Variants in AVEN observed in about 807,000 individuals in gnomAD.
AVEN encodes the protein cell death regulator Aven.
In AVEN, 41 loss-of-function variants were observed where a neutral mutation model predicts 38.1. The ratio of observed to expected loss-of-function variants is 1.08; its 90% CI spans 0.84 to 1.40. The LOEUF is 1.40. AVEN is among the 40% of genes most tolerant of loss of function. The pLI is 0.00. For synonymous variants in AVEN, 206 were observed against 171.8 expected (o/e 1.20, Z -1.56); for missense variants, 605 against 438.8 (o/e 1.38, Z -3.38).
intron 11 of AVEN, chr15:33,861,209 C>G (rs1224894764): frequency 2.0e-6 from 3 of 1,500,588 alleles, no homozygotes; most frequent in Non-Finnish European, 2.7e-6. Flanking sequence ...AAAGTAATGG[C>G]AGCTGTAGCG....
At chr15:33,921,362 A>G (rs1039748313) in intron 2 of AVEN, among the ~76,000 whole-genome samples, 1 of 152,230 alleles carries the variant, frequency 6.6e-6, no homozygotes, top group African/African-American at 2.4e-5. Flanking sequence ...TTCCAAAAAG[A>G]GTCTGCTGCA....
intron 5 of AVEN, among the ~76,000 whole-genome samples, chr15:34,050,450 G>C (rs1426743193): frequency 6.6e-6 from 1 of 152,162 alleles, no homozygotes; most frequent in East Asian, 1.9e-4. Context: ...AAAAATGTCT[G>C]CAAAATAACC....
intron 2 of AVEN, among the ~76,000 whole-genome samples, chr15:33,936,939 G>A (rs1227859996): frequency 6.6e-6 from 1 of 151,552 alleles, no homozygotes; most frequent in Non-Finnish European, 1.5e-5. Flanking sequence ...AGACCATCCT[G>A]GCTAACACAG....
chr15:33,984,510 C>T (rs1387515214), intron 2 of AVEN, among the ~76,000 whole-genome samples: 3 of 151,876 alleles, frequency 2.0e-5, no homozygotes, highest in Non-Finnish European at 4.4e-5. Context: ...TCAAGCAATT[C>T]TCCTGCCTCA....
intron 2 of AVEN, among the ~76,000 whole-genome samples, chr15:33,898,884 G>C (rs926869914): frequency 6.6e-6 from 1 of 152,190 alleles, no homozygotes; most frequent in Admixed American, 6.5e-5. Context: ...TTCAAAAATA[G>C]TATTTGAAAT....
At chr15:33,983,034 A>G (rs1020078711) in intron 2 of AVEN, among the ~76,000 whole-genome samples, 6 of 151,906 alleles carry the variant, frequency 3.9e-5, no homozygotes, top group Non-Finnish European at 7.4e-5. Context: ...CAAGAAGCAC[A>G]ACATTAAGGC....
At position 33,868,244 on chromosome 15, in the gene AVEN, C is replaced by G. The variant is rs544150698; in HGVS notation, c.613-389G>C. On this transcript the variant is annotated intron_variant, in intron 4 of 5. Coordinates refer to ENST00000306730, the MANE Select transcript of AVEN (RefSeq NM_020371.3). Reference sequence around the variant, plus strand: ...TCTATAAAAAGTCACCAAGAAGTGGCCAGGCGCAGTGGCTCATGCCTGTAA... The same window carrying G: ...TCTATAAAAAGTCACCAAGAAGTGGGCAGGCGCAGTGGCTCATGCCTGTAA... Among the ~76,000 whole-genome samples the G allele has an allele frequency of 1.7e-4, 26 of 152,248 alleles. No homozygotes were observed. In the East Asian group the frequency reaches 5.0e-3, roughly 29 times the overall value.
intron 2 of AVEN, among the ~76,000 whole-genome samples, chr15:33,961,823 A>G (rs1895200238): frequency 2.0e-5 from 3 of 150,306 alleles, no homozygotes; most frequent in Admixed American, 6.6e-5. Context: ...AAAAAAAAAA[A>G]AAAAAAAAAA....
At position 33,867,785 on chromosome 15, in the gene AVEN, T is replaced by G. The variant is rs2241647; in HGVS notation, c.683A>C (p.Gln228Pro). ...RTDDGKGLGM[Q>P]LKGPLGPGGR... ...TCCAGGCCCCAAGGGCCCCTTTAACTGCATCCCTAATCCCTTGCCATCATC... is the reference window on the plus strand; with the variant it reads ...TCCAGGCCCCAAGGGCCCCTTTAACGGCATCCCTAATCCCTTGCCATCATC... Residue 228 changes from glutamine (Q) to proline (P), a missense_variant, in exon 5 of 6, where the codon CAG becomes CCG. Physicochemically the swap from Gln to Pro is moderately conservative, Grantham distance 76. Transcript: ENST00000306730. The G allele has an allele frequency of 6.2e-7, 1 of 1,614,008 alleles. No homozygotes were observed. The highest frequency in any genetic ancestry group is 8.5e-7 in the Non-Finnish European group (1 of 1,179,944).
At chr15:33,931,051 A>G (rs1041143052) in intron 2 of AVEN, among the ~76,000 whole-genome samples, 7 of 151,718 alleles carry the variant, frequency 4.6e-5, no homozygotes, top group African/African-American at 1.7e-4. Flanking sequence ...GGCAGATCCC[A>G]TATTTTTACA....
chr15:33,864,111 T>TAC (rs2153026368), downstream of AVEN: 1 of 1,580,146 alleles, frequency 6.3e-7, no homozygotes, highest in Non-Finnish European at 8.7e-7. Context: ...GACCAGAGTA[T>TAC]CTAATACTAT....
At chr15:33,974,124 AC>A (rs1481178535) in intron 2 of AVEN, among the ~76,000 whole-genome samples, 1 of 152,222 alleles carries the variant, frequency 6.6e-6, no homozygotes, top group Non-Finnish European at 1.5e-5. Flanking sequence ...TATGGAAATC[AC>A]GTTTGCTATA....
intron 2 of AVEN, among the ~76,000 whole-genome samples, chr15:33,950,977 C>A (rs1894717993): frequency 6.6e-6 from 1 of 151,378 alleles, no homozygotes; most frequent in African/African-American, 2.4e-5. Flanking sequence ...CACTGCACTG[C>A]AGCCTGGGCA....
At chr15:33,991,495 AAAAT>A (rs1426556139) in intron 2 of AVEN, 2 of 141,330 alleles carry the variant, frequency 1.4e-5, no homozygotes, top group Non-Finnish European at 3.0e-5. Flanking sequence ...CGGACCCACA[AAAAT>A]AAACTTTAAA....
chr15:34,026,157 T>A (rs1049060410), intron 1 of AVEN, among the ~76,000 whole-genome samples: 1 of 152,214 alleles, frequency 6.6e-6, no homozygotes, highest in Non-Finnish European at 1.5e-5. Flanking sequence ...AATGCATACA[T>A]ATACCTTATA....
intron 2 of AVEN, among the ~76,000 whole-genome samples, chr15:33,983,158 GTA>G (rs775545239): frequency 0.031 from 4,291 of 136,306 alleles, 127 homozygotes; most frequent in Non-Finnish European, 0.043. Context: ...GTGTGTGTGT[GTA>G]TGTGTGTGTG....
At chr15:33,994,957 T>A (rs933259647) in intron 2 of AVEN, among the ~76,000 whole-genome samples, 6 of 152,104 alleles carry the variant, frequency 3.9e-5, no homozygotes, top group East Asian at 1.9e-4. Context: ...AAATATTTTT[T>A]AAAAATAAAA....
Position 34,019,380 on chromosome 15 carries a change from TA to T in AVEN, c.268-16172del, listed in dbSNP as rs1401264643. Among the ~76,000 whole-genome samples the T allele has an allele frequency of 2.0e-5, 3 of 152,200 alleles. No individual in the cohort carries two copies. In the East Asian group the frequency reaches 5.8e-4, roughly 29 times the overall value. On this transcript the variant is annotated intron_variant, in intron 1 of 5. Coordinates refer to ENST00000306730, the MANE Select transcript of AVEN (RefSeq NM_020371.3). ...AGTGTTATTACAAGAGTCAAAAAGGTAAAAATATTTAAAAGTTTATAAAGTA... is the reference window on the plus strand; with the variant it reads ...AGTGTTATTACAAGAGTCAAAAAGGTAAAATATTTAAAAGTTTATAAAGTA...
At chr15:33,916,162 A>G (rs1722335137) in intron 2 of AVEN, among the ~76,000 whole-genome samples, 1 of 152,108 alleles carries the variant, frequency 6.6e-6, no homozygotes, top group Admixed American at 6.5e-5. Flanking sequence ...GATCCTCCCT[A>G]TACTACCACA....
Sources: allele counts gnomAD v4.1 joint callset (sites outside exome capture counted in the v4.1 genomes callset), GRCh38; gene constraint gnomAD v4.1.1; transcripts MANE v1.5; gene names NCBI Gene and HGNC (gene_info 2026-07-23, HGNC 2026-07-21).